Variants in DHTKD1 observed in about 807,000 individuals in gnomAD.
The protein encoded by DHTKD1 is 2-oxoadipate dehydrogenase complex component E1.
In DHTKD1, 78 loss-of-function variants were observed where a neutral mutation model predicts 101.8. The ratio of observed to expected loss-of-function variants is 0.77; its 90% CI spans 0.64 to 0.93. The LOEUF (loss-of-function observed/expected upper bound fraction) is 0.93. Among genes scored for constraint, DHTKD1 ranks in the 40% least tolerant of loss-of-function variants. The pLI, the probability that DHTKD1 is intolerant of heterozygous loss-of-function variation, is 0.00. For synonymous variants in DHTKD1, 462 were observed against 450.3 expected (o/e 1.03, Z -0.33); for missense variants, 1,223 against 1,161.7 (o/e 1.05, Z -0.77).
intron 9 of DHTKD1, among the ~76,000 whole-genome samples, chr10:12,100,506 A>C (rs191435874): frequency 4.3e-4 from 65 of 150,500 alleles, no homozygotes; most frequent in African/African-American, 1.3e-3. Flanking sequence ...CTCGTGTTCC[A>C]CCCGCCTCGG....
chr10:12,100,950 G>A, intron 9 of DHTKD1, 92 bp from the exon 10 acceptor site: 2 of 1,330,256 alleles, frequency 1.5e-6, no homozygotes, highest in South Asian at 2.7e-5. Context: ...AAAATTCTCA[G>A]GATTAAGCCA....
At chr10:12,079,473 T>C (rs574287251) in intron 1 of DHTKD1, among the ~76,000 whole-genome samples, 24 of 152,016 alleles carry the variant, frequency 1.6e-4, no homozygotes, top group African/African-American at 4.6e-4. Flanking sequence ...ATCGAGACCA[T>C]CCTGGCCAAC....
rs768478921 is a variant in DHTKD1 at position 12,094,270 on chromosome 10, A to C, written c.1357A>C (p.Arg453=). 6.8e-6 allele frequency: 11 copies of C among 1,613,560 alleles called. No individual in the cohort carries two copies. The highest frequency in any genetic ancestry group is 9.3e-6 in the Non-Finnish European group (11 of 1,179,588). The part of the protein sequence containing the change: ...YTNPIMYKII[R]ARKSIPDTYA... ...CAACCCCATCATGTACAAAATCATC[A>C]GGTACAATTATAAACCCTTGTGTGA... The change falls in exon 7 of 17, where the codon AGA becomes CGA. Residue 453 remains arginine (R), a splice_region_variant and synonymous_variant. Coordinates refer to ENST00000263035, the MANE Select transcript of DHTKD1 (RefSeq NM_018706.7).
chr10:12,105,973 T>C (rs1384608061), intron 10 of DHTKD1, among the ~76,000 whole-genome samples: 1 of 152,148 alleles, frequency 6.6e-6, no homozygotes, highest in Admixed American at 6.6e-5. Flanking sequence ...CGGGTGCCTG[T>C]AATCCCAGCT....
intron 1 of DHTKD1, among the ~76,000 whole-genome samples, chr10:12,071,442 T>A (rs11598007): frequency 0.041 from 6,281 of 152,268 alleles, 211 homozygotes; most frequent in East Asian, 0.16. Context: ...TCACCTCATA[T>A]TTCACATCAA....
chr10:12,120,150 T>C (rs1163328951), intron 15 of DHTKD1, 32 bp from the exon 16 acceptor site: 2 of 1,559,856 alleles, frequency 1.3e-6, no homozygotes, highest in South Asian at 1.1e-5. Flanking sequence ...ATGTGTCTAC[T>C]TGAGGTGCTG....
intron 1 of DHTKD1, among the ~76,000 whole-genome samples, chr10:12,079,645 C>A (rs188650375): frequency 6.6e-6 from 1 of 151,068 alleles, no homozygotes; most frequent in African/African-American, 2.4e-5. Context: ...TCCAGCCTGG[C>A]GATAGAGTGA....
In DHTKD1 at chr10:12,075,530, G is replaced by A. The variant is rs895076706; in HGVS notation, c.155-5942G>A. 7.3e-5 allele frequency among the ~76,000 whole-genome samples: 11 copies of A among 150,950 alleles called. 1 individual carries two copies. The South Asian group carries it at 8.4e-4, about 11-fold the overall frequency. On this transcript the variant is annotated intron_variant, in intron 1 of 16. Transcript: ENST00000263035. ...GCTGGGATTACAGGCATGAGCCACT[G>A]CGCCCATCCAATTTTTGTATTTTTT...
chr10:12,093,162 G>A (rs1200963475), intron 6 of DHTKD1, among the ~76,000 whole-genome samples: 2 of 151,596 alleles, frequency 1.3e-5, no homozygotes, highest in African/African-American at 4.9e-5. Flanking sequence ...TCCTGCCTCA[G>A]CCTCCCGAGT....
intron 7 of DHTKD1, among the ~76,000 whole-genome samples, chr10:12,096,829 T>C (rs1404379569): frequency 6.6e-6 from 1 of 152,194 alleles, no homozygotes; most frequent in Non-Finnish European, 1.5e-5. Flanking sequence ...ACCTGAAAGA[T>C]TGCAACTTTC....
At chr10:12,078,938 A>G (rs1832773847) in intron 1 of DHTKD1, among the ~76,000 whole-genome samples, 1 of 152,126 alleles carries the variant, frequency 6.6e-6, no homozygotes, top group Non-Finnish European at 1.5e-5. Flanking sequence ...GGACGTTTTC[A>G]ATATGGCTGC....
At chr10:12,100,287 G>GCTTTTTT in intron 9 of DHTKD1, 25 bp downstream of exon 9, 2 of 269,860 alleles carry the variant, frequency 7.4e-6, no homozygotes, top group African/African-American at 7.4e-5. Context: ...TTTTTTTTCT[G>GCTTTTTT]TTTTTTTTTT....
intron 15 of DHTKD1, 93 bp from the exon 16 acceptor site, chr10:12,120,089 A>T: frequency 1.1e-6 from 1 of 915,504 alleles, no homozygotes; most frequent in East Asian, 2.4e-5. Context: ...ACCATCGTAA[A>T]GTTGAAAACT....
chr10:12,110,279 A>C lies in DHTKD1; in HGVS notation c.2154+2264A>C, dbSNP rs571338409. Among the ~76,000 whole-genome samples, 1 of 152,314 alleles carries C rather than the reference A, an allele frequency of 6.6e-6. No individual in the cohort carries two copies. Among genetic ancestry groups the C allele is most frequent in the East Asian group, 1.9e-4 (1 of 5,192 alleles). ...CGCCATGCACTCCAGCCTGGGTGACAGAGCGAGACTCTGTCTCCAGAAAAA... is the reference window on the plus strand; with the variant it reads ...CGCCATGCACTCCAGCCTGGGTGACCGAGCGAGACTCTGTCTCCAGAAAAA... On this transcript the variant is annotated intron_variant, in intron 12 of 16. Coordinates refer to ENST00000263035, the MANE Select transcript of DHTKD1 (RefSeq NM_018706.7). The surrounding 1 kb of genome is among the most constrained non-coding windows in gnomAD (Gnocchi z 4.9).
intron 13 of DHTKD1, chr10:12,116,522 C>T (rs1187423547): frequency 6.6e-6 from 1 of 151,944 alleles, no homozygotes; most frequent in Non-Finnish European, 1.5e-5. Context: ...TCCCCAGTAG[C>T]TGGGATTACA....
At chr10:12,090,446 T>TCCTC (rs1554791936) in intron 5 of DHTKD1, among the ~76,000 whole-genome samples, 1 of 120,790 alleles carries the variant, frequency 8.3e-6, no homozygotes, top group Admixed American at 8.4e-5. Context: ...CTTCCTTCCT[T>TCCTC]CCTTCCTTCC....
intron 2 of DHTKD1, among the ~76,000 whole-genome samples, chr10:12,084,186 T>C (rs1588605453): frequency 1.3e-5 from 2 of 152,276 alleles, no homozygotes; most frequent in South Asian, 2.1e-4. Context: ...CCTCCCAAAG[T>C]GTTGGGATTA....
intron 6 of DHTKD1, 26 bp from the exon 7 acceptor site, chr10:12,094,047 T>C: frequency 6.2e-7 from 1 of 1,604,068 alleles, no homozygotes; most frequent in Non-Finnish European, 8.5e-7. Context: ...AACTGTCCTG[T>C]TTCGGCTTGG....
rs1454616466 is a variant in DHTKD1 at position 12,117,177 on chromosome 10, A to G, written c.2320-496A>G. 4.7e-5 allele frequency among the ~76,000 whole-genome samples: 7 copies of G among 148,972 alleles called. No individual in the cohort carries two copies. In the East Asian group the frequency reaches 1.4e-3, roughly 30 times the overall value. On this transcript the variant is annotated intron_variant, in intron 13 of 16. Transcript: ENST00000263035. ...GCCATCATGCCCAGCTAATTTTTGT[A>G]TTTTTATATTTTTGTAGAGATGGGA...
Sources: gnomAD v4.1 joint callset for allele counts (sites outside exome capture counted in the v4.1 genomes callset) on GRCh38, gnomAD v4.1.1 for gene constraint, Gnocchi (gnomAD v3.1) non-coding constraint, MANE v1.5 for transcripts, NCBI Gene and HGNC (gene_info 2026-07-23, HGNC 2026-07-21) for gene names.